Variants in KIAA0825 observed in about 807,000 individuals in gnomAD.
KIAA0825 encodes the protein KIAA0825, also known as uncharacterized protein KIAA0825.
Under a neutral mutation model 147.6 loss-of-function variants are expected in KIAA0825, and 119 were observed. That is an observed-to-expected ratio of 0.81 (90% CI 0.69 to 0.94). The LOEUF (loss-of-function observed/expected upper bound fraction) is 0.94. Ranked by LOEUF, KIAA0825 falls within the 40% of genes least tolerant of loss-of-function variation. KIAA0825 has a pLI of 0.00. For missense variants in KIAA0825, 1,381 were observed against 1,472.7 expected (o/e 0.94, Z 1.02); for synonymous variants, 470 against 518.1 (o/e 0.91, Z 1.26).
At chr5:94,161,298 C>T (rs1277531620) in intron 20 of KIAA0825, among the ~76,000 whole-genome samples, 2 of 152,184 alleles carry the variant, frequency 1.3e-5, no homozygotes, top group East Asian at 3.8e-4. Context: ...CTACTACCTC[C>T]CCTAGGGAGA....
chr5:94,482,911 T>C (rs890288821), intron 6 of KIAA0825, among the ~76,000 whole-genome samples: 8 of 152,014 alleles, frequency 5.3e-5, no homozygotes, highest in African/African-American at 1.4e-4. Context: ...ATTATTAACA[T>C]GATATTGAAG....
Position 94,334,173 on chromosome 5 carries a change from C to G in KIAA0825, c.3710+50195G>C, listed in dbSNP as rs188887476. Among the ~76,000 whole-genome samples the G allele has an allele frequency of 1.6e-4, 24 of 152,130 alleles. 1 individual carries two copies. In the East Asian group the frequency reaches 4.3e-3, roughly 27 times the overall value. On this transcript the variant is annotated intron_variant, in intron 20 of 20. Transcript: ENST00000682413. ...ATAGTTAATGGTGAAAGACCATAAA[C>G]TATGCTTTTTAACATCAGGAATAAA...
intron 1 of KIAA0825, among the ~76,000 whole-genome samples, chr5:94,602,853 G>C (rs1046959820): frequency 2.1e-5 from 3 of 144,460 alleles, no homozygotes; most frequent in Non-Finnish European, 3.0e-5. Flanking sequence ...TTTTGAGACA[G>C]AGTCTCACTT....
chr5:94,558,150 G>A (rs1326467768), intron 2 of KIAA0825, among the ~76,000 whole-genome samples: 1 of 152,160 alleles, frequency 6.6e-6, no homozygotes, highest in African/African-American at 2.4e-5. Flanking sequence ...CATGGCCCAA[G>A]ATTCCATTCC....
intron 5 of KIAA0825, among the ~76,000 whole-genome samples, chr5:94,518,792 A>G (rs373517770): frequency 1.3e-5 from 2 of 152,120 alleles, no homozygotes; most frequent in East Asian, 3.8e-4. Context: ...GAGGACACAC[A>G]TACTTTTCTC....
At chr5:94,360,595 C>CATT (rs1322374054) in intron 20 of KIAA0825, among the ~76,000 whole-genome samples, 1 of 152,206 alleles carries the variant, frequency 6.6e-6, no homozygotes, top group African/African-American at 2.4e-5. Context: ...ACTGCTCATG[C>CATT]ATTAGCATGC....
chr5:94,375,071 G>T (rs972098582), intron 20 of KIAA0825, among the ~76,000 whole-genome samples: 1 of 133,128 alleles, frequency 7.5e-6, no homozygotes, highest in Non-Finnish European at 1.5e-5. Flanking sequence ...TCGCTCTGTC[G>T]CCTGGGCTGG....
intron 1 of KIAA0825, among the ~76,000 whole-genome samples, chr5:94,598,114 T>C (rs7737779): frequency 0.23 from 35,345 of 152,018 alleles, 4,445 homozygotes; most frequent in Non-Finnish European, 0.27. Flanking sequence ...AACCTTAGCT[T>C]ACTGTAACTT....
intron 3 of KIAA0825, among the ~76,000 whole-genome samples, chr5:94,528,808 T>C (rs72771693): frequency 0.21 from 31,585 of 151,212 alleles, 3,519 homozygotes; most frequent in East Asian, 0.33. Flanking sequence ...TTTAAATCTA[T>C]AAAGGCTTGC....
rs1201106172 is a variant in KIAA0825, at chr5:94,520,541, T to C, written c.677A>G (p.Asn226Ser). The change falls in exon 5 of 21, where the codon AAC becomes AGC. Residue 226 changes from asparagine to serine, a missense_variant. Transcript: ENST00000682413. ...ATCTCTGTTGTAAGAAGGAAAGCAG[T>C]TCCACAGAAGATTAGCCAACAGTTT... ...QNKLLANLLW[N>S]CFPSYNRDSN... is the part of the protein sequence containing the mutation. 2 of 1,613,218 alleles carry C rather than the reference T, an allele frequency of 1.2e-6. No homozygotes were observed. The highest frequency in any genetic ancestry group is 1.3e-5 in the African/African-American group (1 of 74,896).
At chr5:94,297,376 G>A (rs1276949838) in intron 20 of KIAA0825, among the ~76,000 whole-genome samples, 5 of 152,128 alleles carry the variant, frequency 3.3e-5, no homozygotes, top group African/African-American at 1.2e-4. Flanking sequence ...ACTACTTGGA[G>A]TTTTATTTGT....
chr5:94,490,189 T>C (rs1012991699), intron 5 of KIAA0825, among the ~76,000 whole-genome samples: 4 of 152,112 alleles, frequency 2.6e-5, no homozygotes, highest in African/African-American at 9.7e-5. Flanking sequence ...TCCAGCTTAT[T>C]TGCCATAGTA....
At chr5:94,188,073 G>A (rs1195129290) in intron 20 of KIAA0825, among the ~76,000 whole-genome samples, 3 of 152,162 alleles carry the variant, frequency 2.0e-5, no homozygotes, top group Non-Finnish European at 4.4e-5. Context: ...CACCATGGGA[G>A]GAGATCACAA....
intron 14 of KIAA0825, among the ~76,000 whole-genome samples, chr5:94,423,944 A>G (rs1262543544): frequency 6.6e-6 from 1 of 152,206 alleles, no homozygotes; most frequent in Non-Finnish European, 1.5e-5. Context: ...TTGGAAAATT[A>G]GTTTAATAAC....
chr5:94,277,649 A>C (rs1468322328), intron 20 of KIAA0825, among the ~76,000 whole-genome samples: 1 of 152,208 alleles, frequency 6.6e-6, no homozygotes, highest in Non-Finnish European at 1.5e-5. Context: ...ATGCTTTTAC[A>C]CTGTTGGTGG....
At chr5:94,391,304 G>T (rs1176166452) in intron 18 of KIAA0825, among the ~76,000 whole-genome samples, 1 of 152,140 alleles carries the variant, frequency 6.6e-6, no homozygotes, top group Non-Finnish European at 1.5e-5. Context: ...GAGTTTATGA[G>T]CCATGTTATT....
At chr5:94,362,702 T>C (rs1745245552) in intron 20 of KIAA0825, among the ~76,000 whole-genome samples, 2 of 152,264 alleles carry the variant, frequency 1.3e-5, no homozygotes, top group Admixed American at 1.3e-4. Context: ...TCTGAGTTCC[T>C]TGACAGCAGG....
chr5:94,500,019 A>G (rs1028643522), intron 5 of KIAA0825, among the ~76,000 whole-genome samples: 1 of 152,174 alleles, frequency 6.6e-6, no homozygotes, highest in African/African-American at 2.4e-5. Context: ...TAGGCAAGGA[A>G]GGGAATGAAG....
Position 94,560,009 on chromosome 5 carries a change from T to C in KIAA0825, c.-2+22424A>G, listed in dbSNP as rs189854207. On this transcript the variant is annotated intron_variant, in intron 2 of 20. Coordinates refer to ENST00000682413, the MANE Select transcript of KIAA0825 (RefSeq NM_001145678.3). ...TAGGAAAGATTAACTCAGAGTCTGA[T>C]ACCTCTAAAAGTCTGAAAAGAAACA... 7.9e-5 allele frequency among the ~76,000 whole-genome samples: 12 copies of C among 152,324 alleles called. No individual in the cohort carries two copies. In the East Asian group the frequency reaches 2.3e-3, roughly 29 times the overall value.
Sources: allele counts gnomAD v4.1 joint callset (sites outside exome capture counted in the v4.1 genomes callset), GRCh38; gene constraint gnomAD v4.1.1; transcripts MANE v1.5; gene names NCBI Gene and HGNC (gene_info 2026-07-23, HGNC 2026-07-21).